Variants in OR2L13 observed in about 807,000 individuals in gnomAD.
OR2L13 encodes the protein olfactory receptor family 2 subfamily L member 13.
OR2L13 carries 14 observed loss-of-function variants against 15.3 expected under a neutral mutation model. That is an observed-to-expected ratio of 0.91 (90% CI 0.60 to 1.43). The LOEUF (loss-of-function observed/expected upper bound fraction) is 1.43. Among genes scored for constraint, OR2L13 ranks in the 40% most tolerant of loss-of-function variants. The pLI is 0.00. For missense variants in OR2L13, 367 were observed against 387.9 expected (o/e 0.95, Z 0.45); for synonymous variants, 152 against 142.9 (o/e 1.06, Z -0.45).
the OR2L13 span, among the ~76,000 whole-genome samples, chr1:248,071,998 A>T: frequency 6.6e-6 from 1 of 151,554 alleles, no homozygotes; most frequent in Non-Finnish European, 1.5e-5. Context: ...AAATGGAAGA[A>T]CATTCCATGC....
the OR2L13 span, chr1:247,948,894 T>C: frequency 3.1e-6 from 5 of 1,612,152 alleles, no homozygotes; most frequent in Non-Finnish European, 4.2e-6. Flanking sequence ...TGATTTCATC[T>C]TATTGGGGCT....
At chr1:248,057,850 AT>A in the OR2L13 span, among the ~76,000 whole-genome samples, 26 of 152,232 alleles carry the variant, frequency 1.7e-4, no homozygotes, top group African/African-American at 4.8e-4. Context: ...GCATCCTGTA[AT>A]TTTGCTAATT....
the OR2L13 span, among the ~76,000 whole-genome samples, chr1:248,080,881 C>T: frequency 2.6e-5 from 4 of 152,202 alleles, no homozygotes; most frequent in African/African-American, 9.7e-5. Flanking sequence ...CTACTTTACA[C>T]TCCCAACAAC....
the OR2L13 span, among the ~76,000 whole-genome samples, chr1:247,963,066 C>A: frequency 3.9e-5 from 6 of 152,030 alleles, no homozygotes; most frequent in African/African-American, 1.4e-4. Flanking sequence ...GGAAGGAATT[C>A]AAGAGCAAGC....
At chr1:248,032,659 C>T in the OR2L13 span, among the ~76,000 whole-genome samples, 1 of 152,144 alleles carries the variant, frequency 6.6e-6, no homozygotes, top group Admixed American at 6.5e-5. Flanking sequence ...CAAGTTTCAT[C>T]TATGTTGTAG....
the OR2L13 span, among the ~76,000 whole-genome samples, chr1:247,989,926 CT>C: frequency 1.3e-5 from 2 of 152,064 alleles, no homozygotes; most frequent in African/African-American, 4.8e-5. Context: ...TTATCTTCCC[CT>C]GAAGCATTTT....
chr1:247,948,912 C>T, the OR2L13 span: 2 of 1,613,508 alleles, frequency 1.2e-6, no homozygotes, highest in Non-Finnish European at 1.7e-6. Context: ...GCTGTTTCCA[C>T]CATCAAGAAT....
At chr1:248,080,153 A>G in the OR2L13 span, among the ~76,000 whole-genome samples, 1 of 152,220 alleles carries the variant, frequency 6.6e-6, no homozygotes, top group African/African-American at 2.4e-5. Flanking sequence ...ACATCTGTAA[A>G]AAAAATTATC....
At chr1:248,022,076 C>T in the OR2L13 span, 2 of 1,613,902 alleles carry the variant, frequency 1.2e-6, no homozygotes. Context: ...GAAACCTATC[C>T]ATGATTCTTC....
the OR2L13 span, among the ~76,000 whole-genome samples, chr1:247,958,043 A>G: frequency 6.6e-6 from 1 of 151,944 alleles, no homozygotes; most frequent in Non-Finnish European, 1.5e-5. Flanking sequence ...TAGGGTGTCA[A>G]TTTTAGATCT....
At chr1:248,059,891 T>A in the OR2L13 span, among the ~76,000 whole-genome samples, 4 of 151,892 alleles carry the variant, frequency 2.6e-5, no homozygotes, top group Non-Finnish European at 4.4e-5. Flanking sequence ...AAATAGAAAG[T>A]TAACTAGGTA....
the OR2L13 span, chr1:248,060,692 A>G: frequency 6.2e-7 from 1 of 1,612,038 alleles, no homozygotes; most frequent in Non-Finnish European, 8.5e-7. Flanking sequence ...ATGGAAAATT[A>G]CAATCAAACA....
At chr1:248,024,749 C>G in the OR2L13 span, among the ~76,000 whole-genome samples, 2 of 152,176 alleles carry the variant, frequency 1.3e-5, no homozygotes, top group Admixed American at 6.5e-5. Flanking sequence ...GGGCTCTGCT[C>G]TGTTCCATTG....
chr1:247,982,710 A>T, the OR2L13 span, among the ~76,000 whole-genome samples: 5,884 of 152,264 alleles, frequency 0.039, 343 homozygotes, highest in African/African-American at 0.13. Flanking sequence ...TTTCTATAAA[A>T]ATGTATGGTT....
the OR2L13 span, among the ~76,000 whole-genome samples, chr1:248,008,808 G>A: frequency 6.6e-6 from 1 of 152,090 alleles, no homozygotes; most frequent in Non-Finnish European, 1.5e-5. Context: ...CTCAGCAAAT[G>A]CAAAAGATTG....
chr1:248,005,020 G>T, the OR2L13 span, among the ~76,000 whole-genome samples: 1 of 152,088 alleles, frequency 6.6e-6, no homozygotes, highest in Non-Finnish European at 1.5e-5. Context: ...GGGTGGGAAG[G>T]GTGCAGGGGA....
chr1:247,970,103 A>AT, the OR2L13 span, among the ~76,000 whole-genome samples: 1 of 152,150 alleles, frequency 6.6e-6, no homozygotes, highest in East Asian at 1.9e-4. Context: ...AGGATGTTTT[A>AT]TTTTTTTATT....
the OR2L13 span, among the ~76,000 whole-genome samples, chr1:248,001,349 G>T: frequency 1.1e-4 from 17 of 151,710 alleles, no homozygotes; most frequent in African/African-American, 3.4e-4. Context: ...CAGGTTTAAG[G>T]TTTGTGGGTC....
chr1:248,087,223 A>G, the OR2L13 span, among the ~76,000 whole-genome samples: 9,358 of 152,196 alleles, frequency 0.061, 965 homozygotes, highest in African/African-American at 0.21. Flanking sequence ...CTTCTAATAC[A>G]AATTCAATCA....
Sources: allele counts gnomAD v4.1 joint callset (sites outside exome capture counted in the v4.1 genomes callset), GRCh38; gene constraint gnomAD v4.1.1; transcripts MANE v1.5; gene names NCBI Gene and HGNC (gene_info 2026-07-23, HGNC 2026-07-21).